The following FBXL13 variants were observed in gnomAD, a reference collection of about 807,000 sequenced individuals.
FBXL13 encodes the protein F-box and leucine rich repeat protein 13, also known as F-box and leucine-rich repeat protein 13.
Under a neutral mutation model 83.6 loss-of-function variants are expected in FBXL13, and 67 were observed. The ratio of observed to expected loss-of-function variants is 0.80; its 90% confidence interval spans 0.66 to 0.98. The LOEUF (loss-of-function observed/expected upper bound fraction) is 0.98, where lower values mean the gene tolerates loss of function less well. Among genes scored for constraint, FBXL13 ranks in the 50% least tolerant of loss-of-function variants. FBXL13 has a pLI of 0.00. For missense variants in FBXL13, 822 were observed against 866.5 expected (o/e 0.95, Z 0.64); for synonymous variants, 272 against 299.5 (o/e 0.91, Z 0.95).
intron 2 of FBXL13, among the ~76,000 whole-genome samples, chr7:103,038,167 G>C (rs1331790499): frequency 2.6e-5 from 4 of 152,168 alleles, no homozygotes; most frequent in Non-Finnish European, 5.9e-5. Context: ...TGCCTGGCTC[G>C]GTGAGTCCCA....
intron 17 of FBXL13, among the ~76,000 whole-genome samples, chr7:102,833,356 C>G (rs559474398): frequency 6.6e-6 from 1 of 151,876 alleles, no homozygotes; most frequent in South Asian, 2.1e-4. Flanking sequence ...TGGAATCAGA[C>G]AGACCCGAGT....
intron 1 of FBXL13, among the ~76,000 whole-genome samples, chr7:103,066,353 C>A (rs1798386328): frequency 1.3e-5 from 2 of 151,972 alleles, no homozygotes; most frequent in African/African-American, 4.8e-5. Context: ...ACATCTTGTC[C>A]TAAGAAACCT....
At chr7:102,968,793 G>A (rs1292595974) in intron 6 of FBXL13, among the ~76,000 whole-genome samples, 5 of 152,202 alleles carry the variant, frequency 3.3e-5, no homozygotes, top group African/African-American at 1.2e-4. Flanking sequence ...GAACAATAAA[G>A]ATGGTTGCTG....
intron 8 of FBXL13, among the ~76,000 whole-genome samples, chr7:102,948,263 C>T (rs888426888): frequency 6.6e-6 from 1 of 151,568 alleles, no homozygotes; most frequent in African/African-American, 2.4e-5. Flanking sequence ...AGAGTTTCAC[C>T]ATGTTGGCCA....
At chr7:103,068,107 C>T (rs1486979185) in intron 1 of FBXL13, among the ~76,000 whole-genome samples, 1 of 152,018 alleles carries the variant, frequency 6.6e-6, no homozygotes, top group Non-Finnish European at 1.5e-5. Context: ...GACTGAGGAA[C>T]GGTGAAAGCA....
At chr7:102,950,695 C>T (rs115251120) in intron 8 of FBXL13, among the ~76,000 whole-genome samples, 1,673 of 152,148 alleles carry the variant, frequency 0.011, 35 homozygotes, top group African/African-American at 0.038. Context: ...ATTTATCAAG[C>T]CATGAAAAGA....
chr7:103,022,523 C>A (rs1438768759), intron 6 of FBXL13, among the ~76,000 whole-genome samples: 1 of 149,778 alleles, frequency 6.7e-6, no homozygotes, highest in Non-Finnish European at 1.5e-5. Flanking sequence ...AATAAAGAGC[C>A]CAGAAATAAT....
At chr7:102,948,292 G>T (rs572351251) in intron 8 of FBXL13, among the ~76,000 whole-genome samples, 1 of 151,980 alleles carries the variant, frequency 6.6e-6, no homozygotes, top group Non-Finnish European at 1.5e-5. Flanking sequence ...TCAAACTCCT[G>T]ACTTCAAATG....
At chr7:103,073,685 A>G (rs1432215200) in intron 1 of FBXL13, among the ~76,000 whole-genome samples, 1 of 152,210 alleles carries the variant, frequency 6.6e-6, no homozygotes, top group Non-Finnish European at 1.5e-5. Flanking sequence ...GTAGATCCCT[A>G]GAAGTAGAAA....
In FBXL13 at chr7:102,973,770, T is replaced by C. The variant is rs1336330382; in HGVS notation, c.496-5653A>G. The C allele has an allele frequency of 3.9e-6, 3 of 764,402 alleles. No individual in the cohort carries two copies. In the Admixed American group the frequency reaches 5.1e-5, roughly 13 times the overall value. The allele number at this position is 764,402 out of a possible 1,614,324, so 47.4% of individuals were successfully genotyped here. A position where few individuals can be genotyped will look rare whatever the true frequency, so the allele number is the denominator to read the frequency against. ...CACATCAGTCACTGATCTCACCTAC[T>C]GGTAAGTTTCCCGGGAGCCCGGTTA... is the stretch of plus-strand genomic sequence containing the variant. On this transcript the variant is annotated intron_variant, in intron 6 of 19. Coordinates refer to ENST00000313221, the Ensembl canonical transcript of FBXL13.
rs1009506730 is a variant in FBXL13 at position 102,827,531 on chromosome 7, AT to A, written c.1854+5308del. Among the ~76,000 whole-genome samples, 576 of 149,394 alleles carry A rather than the reference AT, an allele frequency of 3.9e-3. 12 individuals carry two copies. Among genetic ancestry groups the A allele is most frequent in the Non-Finnish European group, 3.3e-3 (220 of 67,096 alleles). On this transcript the variant is annotated intron_variant, in intron 18 of 19. Coordinates refer to ENST00000313221, the Ensembl canonical transcript of FBXL13. The stretch of plus-strand genomic sequence containing the variant: ...TATGGTAAAATATGACCCATTGATC[AT>A]TTTTTTTTTATACTTTAAGTTTTAG...
chr7:102,980,670 A>C (rs910818114), intron 6 of FBXL13, among the ~76,000 whole-genome samples: 2 of 152,050 alleles, frequency 1.3e-5, no homozygotes, highest in Non-Finnish European at 2.9e-5. Flanking sequence ...CCAGCTACTC[A>C]GGAGGCTGAG....
chr7:102,973,452 C>A (rs184087018), intron 6 of FBXL13: 5 of 739,750 alleles, frequency 6.8e-6, no homozygotes, highest in South Asian at 4.2e-5. Flanking sequence ...TTCCTGTTTA[C>A]GGAAGACTAT....
At chr7:102,984,786 G>A (rs117653593) in intron 6 of FBXL13, among the ~76,000 whole-genome samples, 4,193 of 152,152 alleles carry the variant, frequency 0.028, 104 homozygotes, top group Non-Finnish European at 0.036. Flanking sequence ...TTAAAGATGC[G>A]GGAATCTAAC....
intron 6 of FBXL13, among the ~76,000 whole-genome samples, chr7:103,003,957 G>C (rs920641581): frequency 1.3e-5 from 2 of 152,134 alleles, no homozygotes; most frequent in Admixed American, 1.3e-4. Flanking sequence ...AATTGCTTTT[G>C]TGTGTTATCT....
chr7:102,947,392 G>C (rs952828228), intron 8 of FBXL13, among the ~76,000 whole-genome samples: 1 of 152,204 alleles, frequency 6.6e-6, no homozygotes, highest in African/African-American at 2.4e-5. Context: ...CCCCAGGGAT[G>C]TATTTGGAAA....
intron 11 of FBXL13, 133 bp downstream of exon 12, chr7:102,912,953 C>T: frequency 1.7e-6 from 2 of 1,178,940 alleles, no homozygotes; most frequent in Non-Finnish European, 2.3e-6. Context: ...CAGCTGGGGC[C>T]ATGTAATTTA....
chr7:102,924,156 T>G (rs1238981859), intron 10 of FBXL13, among the ~76,000 whole-genome samples: 1 of 151,192 alleles, frequency 6.6e-6, no homozygotes, highest in Non-Finnish European at 1.5e-5. Flanking sequence ...GAGAATTGCT[T>G]GAACCTGGGA....
At chr7:103,067,382 T>C (rs973622939) in intron 1 of FBXL13, among the ~76,000 whole-genome samples, 10 of 152,226 alleles carry the variant, frequency 6.6e-5, no homozygotes, top group African/African-American at 2.4e-4. Context: ...TGTCTGCAAA[T>C]GATATTTCTT....
Sources: allele counts gnomAD v4.1 joint callset (sites outside exome capture counted in the v4.1 genomes callset), GRCh38; gene constraint gnomAD v4.1.1; transcripts MANE v1.5; gene names NCBI Gene and HGNC (gene_info 2026-07-23, HGNC 2026-07-21).